Variants in PALLD observed in about 807,000 individuals in gnomAD.
The protein encoded by PALLD is palladin, cytoskeletal associated protein.
A neutral mutation model predicts 123.5 loss-of-function variants in PALLD; 61 were observed. The ratio of observed to expected loss-of-function variants is 0.49; its 90% confidence interval spans 0.40 to 0.61. The LOEUF (loss-of-function observed/expected upper bound fraction) is 0.61. PALLD is among the 20% of genes least tolerant of loss of function. The pLI is 0.00. For missense variants in PALLD, 1,273 were observed against 1,377.0 expected (o/e 0.92, Z 1.20); for synonymous variants, 465 against 496.4 (o/e 0.94, Z 0.84).
intron 2 of PALLD, among the ~76,000 whole-genome samples, chr4:168,592,645 T>TTG (rs1209896324): frequency 3.3e-5 from 5 of 152,150 alleles, no homozygotes; most frequent in Non-Finnish European, 7.4e-5. Flanking sequence ...AGTTAGATCT[T>TTG]ATTTGACTTG....
chr4:168,650,536 C>G lies in PALLD; in HGVS notation c.909-17654C>G, dbSNP rs549218365. ...TGTGAAAAGTGCTGAAATGAACATT[C>G]TTGTCTTTCCTGTGTCTTTGTGTCC... On this transcript the variant is annotated intron_variant, in intron 2 of 21. Transcript: ENST00000505667. 2.0e-5 allele frequency among the ~76,000 whole-genome samples: 3 copies of G among 152,254 alleles called. No individual in the cohort carries two copies. In the South Asian group the frequency reaches 6.2e-4, roughly 32 times the overall value.
At chr4:168,887,705 G>C (rs1753559182) in intron 10 of PALLD, among the ~76,000 whole-genome samples, 1 of 152,224 alleles carries the variant, frequency 6.6e-6, no homozygotes, top group Non-Finnish European at 1.5e-5. Flanking sequence ...ATGTAAGGCT[G>C]TAGTGAAATG....
At chr4:168,669,761 A>G (rs1282835434) in intron 3 of PALLD, among the ~76,000 whole-genome samples, 1 of 152,028 alleles carries the variant, frequency 6.6e-6, no homozygotes, top group Non-Finnish European at 1.5e-5. Flanking sequence ...AACATTCTAT[A>G]TGTAGTAACA....
At chr4:168,566,217 T>TAA (rs201714393) in intron 2 of PALLD, among the ~76,000 whole-genome samples, 17,783 of 152,262 alleles carry the variant, frequency 0.12, 1,419 homozygotes, top group South Asian at 0.17. Flanking sequence ...TTTCTAGATT[T>TAA]AGACCTTGTT....
chr4:168,533,595 G>C (rs1764811128), intron 2 of PALLD, among the ~76,000 whole-genome samples: 1 of 152,198 alleles, frequency 6.6e-6, no homozygotes. Flanking sequence ...TTACGTTACG[G>C]ACTTGAGTCT....
At chr4:168,821,000 A>G (rs1742638555) in intron 10 of PALLD, among the ~76,000 whole-genome samples, 1 of 152,218 alleles carries the variant, frequency 6.6e-6, no homozygotes, top group African/African-American at 2.4e-5. Flanking sequence ...TCTTTGGGTT[A>G]TGATTCCTGT....
At chr4:168,877,848 T>A in intron 10 of PALLD, 1 of 1,361,474 alleles carries the variant, frequency 7.3e-7, no homozygotes, top group Non-Finnish European at 9.5e-7. Flanking sequence ...CCGCCCGCCT[T>A]CCCCGAGCTC....
At chr4:168,802,756 T>A (rs11946907) in intron 10 of PALLD, among the ~76,000 whole-genome samples, 2 of 152,042 alleles carry the variant, frequency 1.3e-5, no homozygotes, top group African/African-American at 4.8e-5. Context: ...AATGGCACCA[T>A]GTCGGCTCAC....
At chr4:168,552,258 A>G (rs1311925278) in intron 2 of PALLD, among the ~76,000 whole-genome samples, 1 of 152,130 alleles carries the variant, frequency 6.6e-6, no homozygotes, top group Admixed American at 6.5e-5. Context: ...TCATGAAGGG[A>G]CCCAAAGCCA....
intron 2 of PALLD, among the ~76,000 whole-genome samples, chr4:168,516,047 G>A (rs948846981): frequency 6.6e-6 from 1 of 152,130 alleles, no homozygotes; most frequent in Non-Finnish European, 1.5e-5. Context: ...CACACTGTGT[G>A]AACACCACTT....
intron 10 of PALLD, among the ~76,000 whole-genome samples, chr4:168,735,569 A>T (rs1304133900): frequency 6.6e-6 from 1 of 152,182 alleles, no homozygotes; most frequent in Admixed American, 6.5e-5. Flanking sequence ...GATGAGAGGG[A>T]TGGCAAAAAC....
At chr4:168,843,352 G>A (rs1305798099) in intron 10 of PALLD, among the ~76,000 whole-genome samples, 2 of 99,308 alleles carry the variant, frequency 2.0e-5, no homozygotes, top group Non-Finnish European at 4.0e-5. Context: ...TTTAGCTCAA[G>A]TTAGGTAAGT....
rs10649595 is a variant in PALLD at position 168,543,321 on chromosome 4, C to CT, written c.908+30921dup. ...TTGATAGTATATAAATTATATTTAT[C>CT]TTTTTTTTTTTTGGCATCTTCCCTC... On this transcript the variant is annotated intron_variant, in intron 2 of 21. Coordinates refer to ENST00000505667, the MANE Select transcript of PALLD (RefSeq NM_001166108.2). Among the ~76,000 whole-genome samples the CT allele has an allele frequency of 3.4e-3, 493 of 145,976 alleles. 2 individuals carry two copies. Among genetic ancestry groups the CT allele is most frequent in the African/African-American group, 8.6e-3 (342 of 39,860 alleles).
At chr4:168,605,457 GA>G (rs1316517151) in intron 2 of PALLD, among the ~76,000 whole-genome samples, 2 of 152,228 alleles carry the variant, frequency 1.3e-5, no homozygotes, top group South Asian at 2.1e-4. Context: ...AATTAAGCAT[GA>G]AAAAAATGCC....
intron 14 of PALLD, among the ~76,000 whole-genome samples, chr4:168,899,098 A>C (rs771020018): frequency 6.6e-6 from 1 of 152,180 alleles, no homozygotes; most frequent in Non-Finnish European, 1.5e-5. Context: ...CCATACAGAC[A>C]AGTAATGCTC....
intron 10 of PALLD, among the ~76,000 whole-genome samples, chr4:168,759,155 G>A (rs1267149765): frequency 3.4e-5 from 4 of 117,806 alleles, no homozygotes; most frequent in South Asian, 3.0e-4. Flanking sequence ...CTCCAGCCTG[G>A]GTGACAAGAG....
intron 2 of PALLD, among the ~76,000 whole-genome samples, chr4:168,514,202 A>C (rs1193280042): frequency 6.6e-6 from 1 of 152,202 alleles, no homozygotes; most frequent in Admixed American, 6.5e-5. Flanking sequence ...GAATTGAAAC[A>C]CTGGTACTTT....
intron 10 of PALLD, among the ~76,000 whole-genome samples, chr4:168,800,471 C>A (rs73864648): frequency 6.6e-6 from 1 of 151,938 alleles, no homozygotes; most frequent in Admixed American, 6.6e-5. Context: ...GCCACTTCAC[C>A]AAAGAGAGAA....
rs1040230068 is a variant in PALLD at position 168,511,805 on chromosome 4, C to T, written c.301C>T (p.Pro101Ser). The change falls in exon 2 of 22, where the codon CCT becomes TCT. Residue 101 changes from proline to serine, a missense_variant. Physicochemically the swap from Pro to Ser is moderately conservative, Grantham distance 74 (BLOSUM62 -1). Around this residue, in one of 2 missense-constraint regions of PALLD, gnomAD observed 944 missense variants for 954.5 expected, o/e 0.99. Transcript: ENST00000505667. ...GAGACCTCAGGATAACAGGTCAACA[C>T]CTGTCCAGCCTCTGGCAGAGAAACA... ...SRRPQDNRST[P>S]VQPLAEKQTK... 5 of 1,614,198 alleles carry T rather than the reference C, an allele frequency of 3.1e-6. No homozygotes were observed. The highest frequency in any genetic ancestry group is 1.7e-4 in the Middle Eastern group (1 of 6,060).
Sources: allele counts gnomAD v4.1 joint callset (sites outside exome capture counted in the v4.1 genomes callset), GRCh38; gene constraint gnomAD v4.1.1; regional missense constraint gnomAD v4.1.1; transcripts MANE v1.5; gene names NCBI Gene and HGNC (gene_info 2026-07-23, HGNC 2026-07-21).